SRPK2: variants seen among roughly 807,000 people sequenced by gnomAD.
The protein encoded by SRPK2 is SFRS protein kinase 2.
Under a neutral mutation model 90.8 loss-of-function variants are expected in SRPK2, and 21 were observed. The observed-to-expected ratio is 0.23, with a 90% CI of 0.16 to 0.33. The LOEUF (loss-of-function observed/expected upper bound fraction) is 0.33, where lower values mean the gene tolerates loss of function less well. SRPK2 is among the 10% of genes least tolerant of loss of function. The probability of loss-of-function intolerance (pLI) is 1.00; values close to 1 mark genes in which losing one functional copy is unlikely to be tolerated. For synonymous variants in SRPK2, 288 were observed against 311.1 expected (o/e 0.93, Z 0.78); for missense variants, 620 against 869.0 (o/e 0.71, Z 3.60).
chr7:105,382,613 G>T (rs1285957710), intron 2 of SRPK2, among the ~76,000 whole-genome samples: 1 of 143,136 alleles, frequency 7.0e-6, no homozygotes, highest in African/African-American at 2.5e-5. Flanking sequence ...CAACATGGAT[G>T]AATCTCAAGG....
At chr7:105,358,807 A>G (rs1818092519) in intron 2 of SRPK2, among the ~76,000 whole-genome samples, 1 of 152,164 alleles carries the variant, frequency 6.6e-6, no homozygotes, top group African/African-American at 2.4e-5. Context: ...ATATAAAGAA[A>G]AGAGATGTAT....
intron 2 of SRPK2, among the ~76,000 whole-genome samples, chr7:105,316,491 C>T (rs1031059386): frequency 5.3e-5 from 8 of 152,116 alleles, no homozygotes; most frequent in African/African-American, 1.9e-4. Flanking sequence ...TTCTAAAAAC[C>T]AGGGAGCCCA....
chr7:105,188,207 T>C, intron 3 of SRPK2, among the ~76,000 whole-genome samples: 2 of 152,300 alleles, frequency 1.3e-5, no homozygotes, highest in Middle Eastern at 6.8e-3. Flanking sequence ...ATAACAAGAA[T>C]GAATCTTTAA....
intron 15 of SRPK2, among the ~76,000 whole-genome samples, chr7:105,119,223 C>T (rs1038679015): frequency 3.9e-5 from 6 of 151,974 alleles, no homozygotes; most frequent in Admixed American, 6.5e-5. Flanking sequence ...ACATTTTTTT[C>T]ATGAGATGCA....
Position 105,292,424 on chromosome 7 carries a change from C to T in SRPK2, c.72-88639G>A, listed in dbSNP as rs183099311. 2.5e-3 allele frequency among the ~76,000 whole-genome samples: 342 copies of T among 135,024 alleles called. 1 individual carries two copies. The highest frequency in any genetic ancestry group is 8.9e-3 in the African/African-American group (329 of 37,044). 88.6% of individuals were successfully genotyped at this position (135,024 alleles called of 152,430 possible). Reference sequence around the variant, plus strand: ...TCAGGAGGCTGAGGCAAGAGAATCGCTTAAACCTGGGAGGCAGAAGTTGCA... The same window carrying T: ...TCAGGAGGCTGAGGCAAGAGAATCGTTTAAACCTGGGAGGCAGAAGTTGCA... On this transcript the variant is annotated intron_variant, in intron 2 of 15. Transcript: ENST00000393651.
chr7:105,222,267 AG>A (rs1798187924), intron 2 of SRPK2, among the ~76,000 whole-genome samples: 1 of 152,254 alleles, frequency 6.6e-6, no homozygotes, highest in Non-Finnish European at 1.5e-5. Flanking sequence ...AACACCAGGA[AG>A]AATCTTTATT....
At chr7:105,151,999 G>A (rs943075873) in intron 7 of SRPK2, among the ~76,000 whole-genome samples, 2 of 148,602 alleles carry the variant, frequency 1.3e-5, no homozygotes, top group Non-Finnish European at 3.0e-5. Context: ...ACTCCAGTAT[G>A]GGCAACAGAG....
chr7:105,363,197 T>C (rs1274022525), intron 2 of SRPK2, among the ~76,000 whole-genome samples: 1 of 151,232 alleles, frequency 6.6e-6, no homozygotes, highest in Non-Finnish European at 1.5e-5. Context: ...AAAAAATAAA[T>C]AAAAATAAAT....
At chr7:105,203,969 C>CA (rs34581245) in intron 2 of SRPK2, among the ~76,000 whole-genome samples, 184 bp from the exon 3 acceptor site, 58 of 146,534 alleles carry the variant, frequency 4.0e-4, no homozygotes, top group East Asian at 3.9e-3. Flanking sequence ...TAAGTCAGGC[C>CA]AAAAAAAAAA....
At chr7:105,147,383 T>A (rs1804802357) in intron 7 of SRPK2, among the ~76,000 whole-genome samples, 1 of 152,198 alleles carries the variant, frequency 6.6e-6, no homozygotes, top group African/African-American at 2.4e-5. Flanking sequence ...AGTGGCACAA[T>A]CTTGGCTCAC....
intron 2 of SRPK2, among the ~76,000 whole-genome samples, chr7:105,221,660 C>A (rs1305060012): frequency 6.6e-6 from 1 of 152,086 alleles, no homozygotes; most frequent in African/African-American, 2.4e-5. Flanking sequence ...CTTATATAAC[C>A]CCCTGTCCAC....
intron 2 of SRPK2, among the ~76,000 whole-genome samples, chr7:105,291,956 CAGA>C (rs1490956346): frequency 6.6e-6 from 1 of 152,078 alleles, no homozygotes; most frequent in Non-Finnish European, 1.5e-5. Context: ...ATATTTTAAA[CAGA>C]AGAATAACTG....
At chr7:105,299,326 A>G (rs1810242851) in intron 2 of SRPK2, among the ~76,000 whole-genome samples, 1 of 152,212 alleles carries the variant, frequency 6.6e-6, no homozygotes, top group Non-Finnish European at 1.5e-5. Context: ...AGTCAGGTGG[A>G]AGAGCCTGAT....
chr7:105,118,846 G>T (rs1276632679), intron 15 of SRPK2, among the ~76,000 whole-genome samples: 2 of 152,144 alleles, frequency 1.3e-5, no homozygotes, highest in Non-Finnish European at 2.9e-5. Flanking sequence ...AGGAGGTCAA[G>T]GCTGCAGTGA....
chr7:105,324,127 G>C (rs1212494892), intron 2 of SRPK2, among the ~76,000 whole-genome samples: 3 of 150,838 alleles, frequency 2.0e-5, no homozygotes, highest in African/African-American at 7.3e-5. Context: ...TTCCCAAGTA[G>C]CTGGGATTAC....
At chr7:105,281,840 T>A (rs937649148) in intron 2 of SRPK2, among the ~76,000 whole-genome samples, 3 of 152,152 alleles carry the variant, frequency 2.0e-5, no homozygotes, top group Non-Finnish European at 2.9e-5. Context: ...ATATCCTGTG[T>A]TCGTGGATGG....
chr7:105,336,807 T>A (rs1167879555), intron 2 of SRPK2, among the ~76,000 whole-genome samples: 2 of 152,114 alleles, frequency 1.3e-5, no homozygotes, highest in Non-Finnish European at 2.9e-5. Flanking sequence ...TGAGTTTCTG[T>A]TTTTTGTTTT....
At chr7:105,204,735 T>A (rs1795984631) in intron 2 of SRPK2, 1 of 679,518 alleles carries the variant, frequency 1.5e-6, no homozygotes, top group African/African-American at 1.8e-5. Flanking sequence ...CATATTGTGG[T>A]CTGGTTCTGG....
At chr7:105,361,513 C>T (rs1818421213) in intron 2 of SRPK2, among the ~76,000 whole-genome samples, 1 of 152,130 alleles carries the variant, frequency 6.6e-6, no homozygotes, top group South Asian at 2.1e-4. Context: ...GCACGCACTG[C>T]CAAGACAATC....
Sources: allele counts gnomAD v4.1 joint callset (sites outside exome capture counted in the v4.1 genomes callset), GRCh38; gene constraint gnomAD v4.1.1; transcripts MANE v1.5; gene names NCBI Gene and HGNC (gene_info 2026-07-23, HGNC 2026-07-21).